Variants in CPSF3 observed in about 807,000 individuals in gnomAD.
CPSF3 encodes cleavage and polyadenylation specificity factor subunit 3.
Under a neutral mutation model 84.1 loss-of-function variants are expected in CPSF3, and 57 were observed. That is an observed-to-expected ratio of 0.68 (90% confidence interval 0.55 to 0.85). The LOEUF (loss-of-function observed/expected upper bound fraction) is 0.85. CPSF3 is among the 40% of genes least tolerant of loss of function. CPSF3 has a pLI of 0.00. For synonymous variants in CPSF3, 275 were observed against 278.1 expected, an observed-to-expected ratio of 0.99 and a Z score of 0.11; for missense variants, 522 against 838.8, an observed-to-expected ratio of 0.62 and a Z score of 4.66.
At position 9,466,396 on chromosome 2, in the gene CPSF3, A is replaced by G. The variant is rs561679342; in HGVS notation, c.1787-1311A>G. 4.1e-3 allele frequency among the ~76,000 whole-genome samples: 571 copies of G among 140,874 alleles called. 3 individuals carry two copies. Among genetic ancestry groups the G allele is most frequent in the Middle Eastern group, 0.018 (5 of 274 alleles). 92.4% of individuals were successfully genotyped at this position (140,874 alleles called of 152,430 possible). A position where few individuals can be genotyped will look rare whatever the true frequency, so the allele number is the denominator to read the frequency against. On this transcript the variant is annotated intron_variant, in intron 15 of 17. Transcript: ENST00000238112. Reference sequence around the variant, plus strand: ...CCCACGCACTCGCACACACGCGCACACACACGCACGCGCACACACGCACAC... The same window carrying G: ...CCCACGCACTCGCACACACGCGCACGCACACGCACGCGCACACACGCACAC...
At position 9,440,675 on chromosome 2, in the gene CPSF3, T is replaced by C. The variant is rs41264173; in HGVS notation, c.936+9T>C. 374 of 1,613,774 alleles carry C rather than the reference T, an allele frequency of 2.3e-4. 1 individual carries two copies. In the Middle Eastern group the frequency reaches 3.0e-3, roughly 13 times the overall value. On this transcript the variant is annotated intron_variant, in intron 8 of 17. Transcript: ENST00000238112. ...ACATTAGTAACCTCAAGGTGAGTGC[T>C]TGTGGAAGAAAGACAAGGATGGATA...
chr2:9,437,994 C>A (rs1414517315), intron 7 of CPSF3, among the ~76,000 whole-genome samples: 3 of 152,150 alleles, frequency 2.0e-5, no homozygotes, highest in Non-Finnish European at 4.4e-5. Context: ...ACAATGAGAC[C>A]CTGTCTCAAA....
At chr2:9,442,525 A>G (rs1239464410) in intron 9 of CPSF3, among the ~76,000 whole-genome samples, 2 of 152,130 alleles carry the variant, frequency 1.3e-5, no homozygotes, top group Admixed American at 6.6e-5. Flanking sequence ...ACCTTATTCT[A>G]TAAAGTTCTT....
chr2:9,449,207 C>T (rs575582900), intron 11 of CPSF3, among the ~76,000 whole-genome samples: 20 of 151,472 alleles, frequency 1.3e-4, no homozygotes, highest in African/African-American at 4.6e-4. Flanking sequence ...GGTAAAACCC[C>T]GGCTCTACCA....
At chr2:9,431,465 T>TA (rs1417971166) in intron 4 of CPSF3, among the ~76,000 whole-genome samples, 18 of 151,864 alleles carry the variant, frequency 1.2e-4, no homozygotes, top group African/African-American at 4.4e-4. Flanking sequence ...GCTTACCACA[T>TA]ACTAGGCCCA....
intron 17 of CPSF3, among the ~76,000 whole-genome samples, chr2:9,472,112 G>A (rs1682190717): frequency 6.6e-6 from 1 of 150,800 alleles, no homozygotes; most frequent in Non-Finnish European, 1.5e-5. Context: ...TCAAGAGTTT[G>A]AGACCAGCCT....
chr2:9,426,974 G>T (rs1680416961), intron 1 of CPSF3, among the ~76,000 whole-genome samples: 1 of 152,168 alleles, frequency 6.6e-6, no homozygotes, highest in Non-Finnish European at 1.5e-5. Flanking sequence ...GGAGCGAGTA[G>T]AAGGTGAGGA....
chr2:9,439,944 C>T (rs1680915769), intron 7 of CPSF3, among the ~76,000 whole-genome samples: 1 of 152,160 alleles, frequency 6.6e-6, no homozygotes, highest in Admixed American at 6.5e-5. Flanking sequence ...ATACCACTAC[C>T]CTCAAGGCTA....
chr2:9,434,135 C>CT (rs1370346265), intron 6 of CPSF3, among the ~76,000 whole-genome samples, 175 bp downstream of exon 6: 1 of 152,000 alleles, frequency 6.6e-6, no homozygotes, highest in Non-Finnish European at 1.5e-5. Flanking sequence ...AATCCTAGCG[C>CT]TTTGGGAGGC....
chr2:9,443,463 T>C, intron 9 of CPSF3, 52 bp from the exon 10 acceptor site: 11 of 1,553,090 alleles, frequency 7.1e-6, no homozygotes, highest in Non-Finnish European at 9.6e-6. Flanking sequence ...AAATGTACCT[T>C]TACGATTATA....
At chr2:9,426,725 G>A (rs1680405137) in intron 1 of CPSF3, among the ~76,000 whole-genome samples, 1 of 152,086 alleles carries the variant, frequency 6.6e-6, no homozygotes, top group African/African-American at 2.4e-5. Context: ...TGAGGAAGGA[G>A]CAGGTACTCC....
At chr2:9,454,539 CTT>C (rs36115189) in intron 12 of CPSF3, among the ~76,000 whole-genome samples, 1,017 of 87,972 alleles carry the variant, frequency 0.012, 7 homozygotes, top group African/African-American at 0.044. Flanking sequence ...CTCTTATACT[CTT>C]TTTTTTTTTT....
chr2:9,446,210 C>T (rs1247820979), intron 10 of CPSF3, among the ~76,000 whole-genome samples: 4 of 152,134 alleles, frequency 2.6e-5, no homozygotes, highest in East Asian at 1.9e-4. Context: ...TTTGGGAGGC[C>T]GATGTGGGTG....
intron 12 of CPSF3, among the ~76,000 whole-genome samples, 159 bp from the exon 13 acceptor site, chr2:9,455,500 C>A (rs1681494656): frequency 6.6e-6 from 1 of 152,162 alleles, no homozygotes; most frequent in Admixed American, 6.5e-5. Context: ...ATAGGGAGAT[C>A]AGTGGGGAAA....
intron 1 of CPSF3, chr2:9,424,652 T>G (rs1189998759): frequency 6.6e-6 from 1 of 152,222 alleles, no homozygotes; most frequent in African/African-American, 2.4e-5. Context: ...TGGGACATAG[T>G]CCGTTTCCTT....
At chr2:9,464,671 A>G (rs1681841799) in intron 15 of CPSF3, among the ~76,000 whole-genome samples, 1 of 152,124 alleles carries the variant, frequency 6.6e-6, no homozygotes, top group African/African-American at 2.4e-5. Flanking sequence ...AGCTCACTGC[A>G]GCCTCGACCT....
chr2:9,444,200 G>T (rs1681052916), intron 10 of CPSF3, among the ~76,000 whole-genome samples: 1 of 143,618 alleles, frequency 7.0e-6, no homozygotes, highest in South Asian at 2.2e-4. Context: ...TGTCACCCAG[G>T]CTGACTGCAA....
intron 7 of CPSF3, among the ~76,000 whole-genome samples, chr2:9,438,500 CT>C (rs60728053): frequency 0.068 from 8,848 of 130,312 alleles, 557 homozygotes; most frequent in African/African-American, 0.24. Flanking sequence ...AATATATATT[CT>C]TTTTTTTTTT....
chr2:9,466,356 A>G (rs13015364), intron 15 of CPSF3, among the ~76,000 whole-genome samples: 10 of 140,090 alleles, frequency 7.1e-5, no homozygotes, highest in East Asian at 2.0e-4. Flanking sequence ...GCGCGCGCAC[A>G]CACACACGCA....
Sources: gnomAD v4.1 joint callset for allele counts (sites outside exome capture counted in the v4.1 genomes callset) on GRCh38, gnomAD v4.1.1 for gene constraint, MANE v1.5 for transcripts, NCBI Gene and HGNC (gene_info 2026-07-23, HGNC 2026-07-21) for gene names.